Variants in FHIT observed in about 807,000 individuals in gnomAD.
The protein encoded by FHIT is bis(5'-adenosyl)-triphosphatase.
Under a neutral mutation model 17.9 loss-of-function variants are expected in FHIT, and 19 were observed. The observed-to-expected ratio is 1.06, with a 90% confidence interval of 0.74 to 1.56. The LOEUF is 1.56. FHIT is among the 40% of genes most tolerant of loss of function. The pLI, the probability that FHIT is intolerant of heterozygous loss-of-function variation, is 0.00. For missense variants in FHIT, 248 were observed against 189.2 expected, an observed-to-expected ratio of 1.31 and a Z score of -1.82; for synonymous variants, 81 against 69.7, an observed-to-expected ratio of 1.16 and a Z score of -0.81.
intron 8 of FHIT, among the ~76,000 whole-genome samples, chr3:59,902,455 G>A (rs1026427761): frequency 6.6e-6 from 1 of 151,176 alleles, no homozygotes; most frequent in Non-Finnish European, 1.5e-5. Context: ...AGAACCAAAG[G>A]AACTGAAATC....
chr3:60,028,429 C>G (rs1336029213), intron 5 of FHIT, among the ~76,000 whole-genome samples: 1 of 152,176 alleles, frequency 6.6e-6, no homozygotes, highest in African/African-American at 2.4e-5. Context: ...GCATGATGAT[C>G]AGAGACCAGT....
intron 5 of FHIT, among the ~76,000 whole-genome samples, chr3:60,213,650 C>T (rs1022175337): frequency 5.9e-5 from 9 of 152,196 alleles, no homozygotes; most frequent in African/African-American, 2.2e-4. Context: ...CTTCTCCACA[C>T]TTTACCATAA....
intron 5 of FHIT, among the ~76,000 whole-genome samples, chr3:60,292,395 C>G (rs1403096352): frequency 2.0e-5 from 3 of 152,104 alleles, no homozygotes; most frequent in Non-Finnish European, 4.4e-5. Context: ...TTCCCCTTCC[C>G]CTTCCAGATA....
chr3:59,950,806 C>T (rs908165645), intron 7 of FHIT, among the ~76,000 whole-genome samples: 1 of 152,144 alleles, frequency 6.6e-6, no homozygotes, highest in African/African-American at 2.4e-5. Context: ...CTGAATCCAA[C>T]GTTGAGAGCC....
rs191927287 is a variant in FHIT, at chr3:59,980,184, C to A, written c.279+31187G>T. On this transcript the variant is annotated intron_variant, in intron 7 of 9. Transcript: ENST00000492590. ...GAAGCTAACTCACTAAATTAACTCA[C>A]CTTTCCAGCTCTTCATGATCATCAC... Among the ~76,000 whole-genome samples the A allele has an allele frequency of 1.1e-3, 164 of 152,276 alleles. 1 individual carries two copies. Among genetic ancestry groups the A allele is most frequent in the African/African-American group, 3.7e-3 (152 of 41,572 alleles).
At chr3:60,057,906 T>G (rs1278265919) in intron 5 of FHIT, among the ~76,000 whole-genome samples, 1 of 151,990 alleles carries the variant, frequency 6.6e-6, no homozygotes. Context: ...TGAACTCCCT[T>G]CTTCTTGGCA....
At chr3:60,594,424 C>T (rs1180283509) in intron 4 of FHIT, among the ~76,000 whole-genome samples, 3 of 152,158 alleles carry the variant, frequency 2.0e-5, no homozygotes, top group African/African-American at 7.2e-5. Context: ...TTGCAGCCAT[C>T]GGCCCCAAAT....
intron 4 of FHIT, among the ~76,000 whole-genome samples, chr3:60,614,819 T>TC (rs782771289): frequency 8.7e-6 from 1 of 114,410 alleles, no homozygotes; most frequent in Admixed American, 9.7e-5. Flanking sequence ...GTTTTTTTTT[T>TC]GTTTTTTTTT....
At chr3:59,846,273 T>G (rs1701716187) in intron 8 of FHIT, among the ~76,000 whole-genome samples, 1 of 152,150 alleles carries the variant, frequency 6.6e-6, no homozygotes, top group Admixed American at 6.5e-5. Flanking sequence ...TTAGCTGTTG[T>G]CTTTGTGGTT....
intron 5 of FHIT, among the ~76,000 whole-genome samples, chr3:60,313,695 C>G (rs1709045664): frequency 6.6e-6 from 1 of 150,488 alleles, no homozygotes; most frequent in South Asian, 2.1e-4. Flanking sequence ...CTGCATAAAT[C>G]CTTTCAGGCT....
intron 5 of FHIT, among the ~76,000 whole-genome samples, chr3:60,099,780 A>C (rs1203982265): frequency 2.1e-4 from 32 of 152,164 alleles, no homozygotes; most frequent in Non-Finnish European, 4.4e-5. Context: ...ACTCATGATA[A>C]GTTTATTGGG....
chr3:61,247,218 C>T (rs914518247), intron 1 of FHIT, among the ~76,000 whole-genome samples: 1 of 149,824 alleles, frequency 6.7e-6, no homozygotes, highest in African/African-American at 2.6e-5. Flanking sequence ...TGTCCTTCTC[C>T]TCTGCTGTTG....
chr3:60,853,843 T>A (rs1406625254), intron 3 of FHIT, among the ~76,000 whole-genome samples: 1 of 152,156 alleles, frequency 6.6e-6, no homozygotes, highest in African/African-American at 2.4e-5. Context: ...TCAACTGCAA[T>A]GTATTTAAAT....
At chr3:60,203,393 C>A (rs1227213678) in intron 5 of FHIT, among the ~76,000 whole-genome samples, 1 of 152,000 alleles carries the variant, frequency 6.6e-6, no homozygotes, top group Non-Finnish European at 1.5e-5. Flanking sequence ...AATAAATATC[C>A]CTCAACAAAG....
intron 5 of FHIT, among the ~76,000 whole-genome samples, chr3:60,421,352 G>T (rs1576628551): frequency 6.6e-6 from 1 of 151,878 alleles, no homozygotes; most frequent in Non-Finnish European, 1.5e-5. Flanking sequence ...TCACAGACTC[G>T]CATGTTTATC....
At chr3:60,340,034 A>G (rs945941929) in intron 5 of FHIT, among the ~76,000 whole-genome samples, 22 of 152,144 alleles carry the variant, frequency 1.4e-4, no homozygotes, top group Non-Finnish European at 2.6e-4. Context: ...ATGCTCTGGC[A>G]CAGGTTCTTC....
intron 4 of FHIT, among the ~76,000 whole-genome samples, chr3:60,576,949 T>TACACACACACACACACACACAC (rs57891077): frequency 1.6e-4 from 24 of 146,848 alleles, no homozygotes; most frequent in African/African-American, 5.5e-4. Context: ...TCCATTTGCA[T>TACACACACACACACACACACAC]ACACACACAC....
At chr3:60,396,240 G>C (rs953680673) in intron 5 of FHIT, among the ~76,000 whole-genome samples, 9 of 152,130 alleles carry the variant, frequency 5.9e-5, no homozygotes, top group African/African-American at 2.2e-4. Context: ...ATTATGTTTT[G>C]ATAGCTACTG....
intron 7 of FHIT, among the ~76,000 whole-genome samples, chr3:59,996,765 A>C (rs535467529): frequency 6.6e-6 from 1 of 152,232 alleles, no homozygotes; most frequent in South Asian, 2.1e-4. Context: ...TAACGAAGAA[A>C]AGTAATTGAG....
Sources: allele counts gnomAD v4.1 joint callset (sites outside exome capture counted in the v4.1 genomes callset), GRCh38; gene constraint gnomAD v4.1.1; transcripts MANE v1.5; gene names NCBI Gene and HGNC (gene_info 2026-07-23, HGNC 2026-07-21).